The following PSMA4 variants were observed in gnomAD, a reference collection of about 807,000 sequenced individuals.
PSMA4 encodes proteasome 20S subunit alpha 4.
PSMA4 carries 8 observed loss-of-function variants against 37.2 expected under a neutral mutation model. That is an observed-to-expected ratio of 0.22 (90% CI 0.13 to 0.39). PSMA4 has a LOEUF of 0.39. PSMA4 is among the 10% of genes least tolerant of loss of function. PSMA4 has a pLI of 1.00. For missense variants in PSMA4, 169 were observed against 305.1 expected (o/e 0.55, Z 3.32); for synonymous variants, 93 against 98.8 (o/e 0.94, Z 0.35).
intron 8 of PSMA4, among the ~76,000 whole-genome samples, chr15:78,547,237 C>A (rs2052569434): frequency 6.6e-6 from 1 of 152,160 alleles, no homozygotes. Flanking sequence ...ACACTGTATT[C>A]CAAACTTAAA....
intron 5 of PSMA4, 189 bp downstream of exon 5, chr15:78,544,456 A>G: frequency 1.9e-6 from 1 of 513,506 alleles, no homozygotes; most frequent in Non-Finnish European, 3.5e-6. Flanking sequence ...GCTGACCACC[A>G]CACCGGGTTA....
chr15:78,542,768 C>T (rs978706308), intron 4 of PSMA4, 123 bp downstream of exon 4: 20 of 944,580 alleles, frequency 2.1e-5, no homozygotes, highest in African/African-American at 1.0e-4. Flanking sequence ...CTTTATTTTG[C>T]TTGAAACCTC....
chr15:78,546,139 C>A (rs1208492630), intron 7 of PSMA4, among the ~76,000 whole-genome samples: 3 of 152,094 alleles, frequency 2.0e-5, no homozygotes, highest in Non-Finnish European at 4.4e-5. Flanking sequence ...TGTGCCCTCC[C>A]TGTCATCAAA....
chr15:78,547,072 T>C lies in PSMA4; in HGVS notation c.631+374T>C, dbSNP rs181182671. Among the ~76,000 whole-genome samples the C allele has an allele frequency of 7.5e-3, 1,148 of 152,336 alleles. 14 individuals carry two copies. Among genetic ancestry groups the C allele is most frequent in the Non-Finnish European group, 9.6e-3 (653 of 68,020 alleles). On this transcript the variant is annotated intron_variant, in intron 8 of 8. Transcript: ENST00000044462. ...TGAGCCATTGCGCCCAGCCAGCAACTGTTAAGATTTTAACATGTCATCCTA... is the reference window on the plus strand; with the variant it reads ...TGAGCCATTGCGCCCAGCCAGCAACCGTTAAGATTTTAACATGTCATCCTA...
chr15:78,541,621 G>T, intron 1 of PSMA4: 5 of 374,720 alleles, frequency 1.3e-5, no homozygotes, highest in South Asian at 2.7e-5. Flanking sequence ...TTTCTGTATC[G>T]ATTTCTCAAA....
In PSMA4 at chr15:78,549,053, G is replaced by A; in HGVS notation, c.*109G>A. ...TTTTAACTGGTGCAGTGGGAAAATA[G>A]GACATTACATACTGAATTGGGTCCT... is the stretch of plus-strand genomic sequence containing the variant. On this transcript the variant is annotated 3_prime_UTR_variant, in exon 9 of 9. Transcript: ENST00000044462. 2.1e-6 allele frequency: 3 copies of A among 1,402,910 alleles called. No homozygotes were observed. Among genetic ancestry groups the A allele is most frequent in the Non-Finnish European group, 2.8e-6 (3 of 1,073,374 alleles). The allele number at this position is 1,402,910 out of a possible 1,614,324, so 86.9% of individuals were successfully genotyped here.
At chr15:78,548,449 G>A (rs1006775467) in intron 8 of PSMA4, among the ~76,000 whole-genome samples, 1 of 152,040 alleles carries the variant, frequency 6.6e-6, no homozygotes, top group African/African-American at 2.4e-5. Context: ...GTTATTACCA[G>A]TTGAAGATTC....
At chr15:78,543,844 C>T in intron 4 of PSMA4, 1 of 207,808 alleles carries the variant, frequency 4.8e-6, no homozygotes, top group South Asian at 7.3e-5. Context: ...GCTGGGATTA[C>T]AGGCGTGAGC....
rs2052605738 is a variant in PSMA4 at position 78,548,962 on chromosome 15, C to T, written c.*18C>T. Reference sequence around the variant, plus strand: ...ATAAATAGAATCAGAGATTTTATTACTCATTTGGGGCACCATTTCAGTGTA... The same window carrying T: ...ATAAATAGAATCAGAGATTTTATTATTCATTTGGGGCACCATTTCAGTGTA... On this transcript the variant is annotated 3_prime_UTR_variant, in exon 9 of 9. Coordinates refer to ENST00000044462, the MANE Select transcript of PSMA4 (RefSeq NM_002789.6). 2.5e-6 allele frequency: 4 copies of T among 1,595,852 alleles called. No individual in the cohort carries two copies. The Admixed American group carries it at 5.3e-5, about 21-fold the overall frequency.
intron 7 of PSMA4, among the ~76,000 whole-genome samples, chr15:78,546,300 T>C (rs1204403775): frequency 6.6e-6 from 1 of 151,922 alleles, no homozygotes; most frequent in African/African-American, 2.4e-5. Flanking sequence ...AAAAATTTGC[T>C]GGGCGCCATG....
Position 78,541,552 on chromosome 15 carries a change from C to T in PSMA4, c.-23-353C>T, listed in dbSNP as rs1046214251. 4 of 294,526 alleles carry T rather than the reference C, an allele frequency of 1.4e-5. No homozygotes were observed. In the East Asian group the frequency reaches 4.6e-4, roughly 34 times the overall value. 18.2% of individuals were successfully genotyped at this position (294,526 alleles called of 1,614,324 possible). On this transcript the variant is annotated intron_variant, in intron 1 of 8. Coordinates refer to ENST00000044462, the MANE Select transcript of PSMA4 (RefSeq NM_002789.6). ...CCTTCTTTCTTCCCCTGTTCTTTCT[C>T]TTAGACCCAAGGGTTCTCAGCCTTA...
intron 5 of PSMA4, 44 bp downstream of exon 5, chr15:78,544,311 T>C (rs746188750): frequency 1.4e-6 from 2 of 1,480,946 alleles, no homozygotes; most frequent in South Asian, 2.4e-5. Context: ...AAATTAGTTT[T>C]GATGTTTCTT....
chr15:78,541,666 C>T, intron 1 of PSMA4: 1 of 484,358 alleles, frequency 2.1e-6, no homozygotes, highest in South Asian at 2.6e-5. Flanking sequence ...ATCCCTTTTC[C>T]CACCCTACCC....
At chr15:78,540,688 A>C (rs1375147503) in intron 1 of PSMA4, 149 bp downstream of exon 1, 2 of 152,090 alleles carry the variant, frequency 1.3e-5, no homozygotes, top group Non-Finnish European at 2.9e-5. Context: ...TCTGTGACGG[A>C]CCGACCGCCG....
chr15:78,541,416 G>A (rs4886571), intron 1 of PSMA4: 106,222 of 161,226 alleles, frequency 0.66, 35,614 homozygotes, highest in East Asian at 0.84. Flanking sequence ...TTGGATACTC[G>A]CTTAGCTCTT....
Position 78,549,399 on chromosome 15 carries a change from T to C in PSMA4, c.*455T>C, listed in dbSNP as rs1031780867. 1 of 152,550 alleles carries C rather than the reference T, an allele frequency of 6.6e-6. No individual in the cohort carries two copies. Among genetic ancestry groups the C allele is most frequent in the African/African-American group, 2.4e-5 (1 of 41,434 alleles). The allele number at this position is 152,550 out of a possible 1,614,324, so 9.4% of individuals were successfully genotyped here. A position where few individuals can be genotyped will look rare whatever the true frequency, so the allele number is the denominator to read the frequency against. Reference sequence around the variant, plus strand: ...GCCAGAATTGATGTGTGGGTGTGGATCTCGCAGCTAGGACTGAGGCTGCCC... The same window carrying C: ...GCCAGAATTGATGTGTGGGTGTGGACCTCGCAGCTAGGACTGAGGCTGCCC... On this transcript the variant is annotated 3_prime_UTR_variant, in exon 9 of 9. Coordinates refer to ENST00000044462, the MANE Select transcript of PSMA4 (RefSeq NM_002789.6).
intron 4 of PSMA4, chr15:78,543,986 G>T: frequency 5.9e-6 from 3 of 507,654 alleles, no homozygotes; most frequent in Non-Finnish European, 1.0e-5. Flanking sequence ...AACTTAAAGG[G>T]TGCATTTGTT....
rs2052473871 is a variant in PSMA4 at position 78,542,566 on chromosome 15, T to C, written c.130T>C (p.Leu44=). The change falls in exon 4 of 9, where the codon TTG becomes CTG. Residue 44 remains leucine (L), a synonymous_variant. Coordinates refer to ENST00000044462, the MANE Select transcript of PSMA4 (RefSeq NM_002789.6). ...CLGILANDGV[L]LAAERRNIHK... The stretch of plus-strand genomic sequence containing the variant: ...GGGAATTTTAGCAAATGATGGTGTT[T>C]TGCTTGCAGCAGAGAGACGCAACAT... 1.2e-6 allele frequency: 2 copies of C among 1,614,200 alleles called. No individual in the cohort carries two copies. The highest frequency in any genetic ancestry group is 2.2e-5 in the East Asian group (1 of 44,890).
Position 78,551,381 on chromosome 15 carries a change from C to T in PSMA4, c.*2437C>T, listed in dbSNP as rs1004410242. 2.0e-5 allele frequency: 3 copies of T among 152,070 alleles called. No individual in the cohort carries two copies. Among genetic ancestry groups the T allele is most frequent in the Admixed American group, 2.0e-4 (3 of 15,248 alleles). The allele number at this position is 152,070 out of a possible 1,614,324, so 9.4% of individuals were successfully genotyped here. ...TCATTCCCTGAATGTGCCAAGCTCCCCTCACATCACTTGCCAATCCCTCTG... is the reference window on the plus strand; with the variant it reads ...TCATTCCCTGAATGTGCCAAGCTCCTCTCACATCACTTGCCAATCCCTCTG... On this transcript the variant is annotated 3_prime_UTR_variant, in exon 9 of 9. Transcript: ENST00000044462.
Sources: gnomAD v4.1 joint callset for allele counts (sites outside exome capture counted in the v4.1 genomes callset) on GRCh38, gnomAD v4.1.1 for gene constraint, MANE v1.5 for transcripts, NCBI Gene and HGNC (gene_info 2026-07-23, HGNC 2026-07-21) for gene names.